MAN1A2: variants seen among roughly 807,000 people sequenced by gnomAD.
MAN1A2 encodes mannosidase alpha class 1A member 2.
Under a neutral mutation model 75.7 loss-of-function variants are expected in MAN1A2, and 26 were observed. The observed-to-expected ratio is 0.34, with a 90% CI of 0.25 to 0.48. MAN1A2 has a LOEUF of 0.48. MAN1A2 is among the 20% of genes least tolerant of loss of function. MAN1A2 has a pLI of 0.99. For missense variants in MAN1A2, 562 were observed against 775.5 expected, an observed-to-expected ratio of 0.72 and a Z score of 3.27; for synonymous variants, 247 against 264.6, an observed-to-expected ratio of 0.93 and a Z score of 0.65.
chr1:117,397,714 C>T (rs191570929), intron 1 of MAN1A2, among the ~76,000 whole-genome samples: 129 of 140,636 alleles, frequency 9.2e-4, no homozygotes, highest in Non-Finnish European at 1.7e-3. Flanking sequence ...TGCAATGTCA[C>T]GATCTCAGCT....
Position 117,499,482 on chromosome 1 carries a change from T to A in MAN1A2, c.1605T>A (p.Ile535=), listed in dbSNP as rs1651134538. The part of the protein sequence containing the change: ...EKYYILRPEV[I]ETYWYLWRFT... ...ATTATATCCTCCGTCCAGAAGTAAT[T>A]GAAACCTATTGGTACCTATGGCGAT... Residue 535 remains isoleucine (I), a synonymous_variant, in exon 11 of 13, where the codon ATT becomes ATA. Transcript: ENST00000356554. The A allele has an allele frequency of 6.2e-7, 1 of 1,609,380 alleles. No individual in the cohort carries two copies. Among genetic ancestry groups the A allele is most frequent in the Non-Finnish European group, 8.5e-7 (1 of 1,177,702 alleles).
At chr1:117,417,733 C>T (rs1273497004) in intron 4 of MAN1A2, among the ~76,000 whole-genome samples, 1 of 149,718 alleles carries the variant, frequency 6.7e-6, no homozygotes, top group East Asian at 1.9e-4. Context: ...CTCTCTCTCT[C>T]ATCAAAGTAT....
Position 117,368,327 on chromosome 1 carries a change from T to G in MAN1A2, c.144T>G (p.Thr48=). Residue 48 remains threonine, a synonymous_variant, in exon 1 of 13, where the codon ACT becomes ACG. Coordinates refer to ENST00000356554, the MANE Select transcript of MAN1A2 (RefSeq NM_006699.5). ...ILLLILSAFI[T]LCFGAFFFLP... Reference sequence around the variant, plus strand: ...TCCTTATTCTTAGTGCCTTCATCACTCTGTGTTTTGGGGCATTCTTTTTCC... The same window carrying G: ...TCCTTATTCTTAGTGCCTTCATCACGCTGTGTTTTGGGGCATTCTTTTTCC... The G allele has an allele frequency of 1.2e-6, 2 of 1,614,138 alleles. No homozygotes were observed. Among genetic ancestry groups the G allele is most frequent in the Non-Finnish European group, 1.7e-6 (2 of 1,180,026 alleles).
At chr1:117,478,271 A>G (rs1650383484) in intron 8 of MAN1A2, among the ~76,000 whole-genome samples, 1 of 151,926 alleles carries the variant, frequency 6.6e-6, no homozygotes, top group South Asian at 2.1e-4. Context: ...ACTGCCTATT[A>G]AAAACATTAT....
intron 12 of MAN1A2, among the ~76,000 whole-genome samples, chr1:117,519,046 T>C (rs1651797961): frequency 6.6e-6 from 1 of 152,012 alleles, no homozygotes; most frequent in Admixed American, 6.6e-5. Flanking sequence ...TTCAAAACCA[T>C]GCAAATACAT....
In MAN1A2 at chr1:117,369,865, A is replaced by G. The variant is rs570270046; in HGVS notation, c.302+1380A>G. ...CGCATGGTATTTGTATAACATATGA[A>G]ATATATTGAAAAAATGTGTTAAGGC... On this transcript the variant is annotated intron_variant, in intron 1 of 12. Coordinates refer to ENST00000356554, the MANE Select transcript of MAN1A2 (RefSeq NM_006699.5). Among the ~76,000 whole-genome samples the G allele has an allele frequency of 1.1e-4, 17 of 152,338 alleles. 1 individual carries two copies. The South Asian group carries it at 3.3e-3, about 30-fold the overall frequency.
chr1:117,405,916 T>G (rs1445687314), intron 3 of MAN1A2, among the ~76,000 whole-genome samples: 1 of 152,120 alleles, frequency 6.6e-6, no homozygotes, highest in Non-Finnish European at 1.5e-5. Context: ...TTTTCTTTAG[T>G]GTCAGGAAAA....
intron 1 of MAN1A2, 72 bp from the exon 2 acceptor site, chr1:117,402,114 A>C: frequency 2.8e-6 from 4 of 1,446,044 alleles, no homozygotes; most frequent in Non-Finnish European, 3.7e-6. Flanking sequence ...AGAAACCTTT[A>C]TGTTTTATAT....
At chr1:117,478,369 C>T (rs1477074581) in intron 8 of MAN1A2, among the ~76,000 whole-genome samples, 1 of 151,862 alleles carries the variant, frequency 6.6e-6, no homozygotes, top group Non-Finnish European at 1.5e-5. Flanking sequence ...ATTTTCACCC[C>T]ATCTTTTAAT....
chr1:117,436,667 A>G (rs929580633), intron 5 of MAN1A2, among the ~76,000 whole-genome samples: 4 of 152,208 alleles, frequency 2.6e-5, no homozygotes, highest in African/African-American at 7.2e-5. Flanking sequence ...TTCGCTTACT[A>G]TAGAAGAGAT....
chr1:117,398,284 A>C (rs1339972017), intron 1 of MAN1A2, among the ~76,000 whole-genome samples: 1 of 152,180 alleles, frequency 6.6e-6, no homozygotes, highest in Non-Finnish European at 1.5e-5. Context: ...TTGATCAGTG[A>C]CTTGAAGGTA....
chr1:117,499,729 C>T (rs545669097), intron 11 of MAN1A2, among the ~76,000 whole-genome samples, 175 bp downstream of exon 11: 6 of 147,234 alleles, frequency 4.1e-5, no homozygotes, highest in South Asian at 2.2e-4. Context: ...ATAAATCTTA[C>T]GATATATATT....
chr1:117,369,110 G>A (rs1304213959), intron 1 of MAN1A2, among the ~76,000 whole-genome samples: 1 of 152,168 alleles, frequency 6.6e-6, no homozygotes, highest in Admixed American at 6.5e-5. Flanking sequence ...TGAATCCTAA[G>A]TTATTGCACT....
intron 6 of MAN1A2, among the ~76,000 whole-genome samples, chr1:117,451,493 A>T (rs1253958201): frequency 1.3e-5 from 2 of 152,320 alleles, no homozygotes; most frequent in East Asian, 1.9e-4. Flanking sequence ...ATGTGAGGAC[A>T]TGAGATTTGG....
intron 3 of MAN1A2, among the ~76,000 whole-genome samples, chr1:117,407,605 G>T (rs905596980): frequency 6.6e-6 from 1 of 152,070 alleles, no homozygotes; most frequent in African/African-American, 2.4e-5. Flanking sequence ...CTTTTATATG[G>T]TAACTGAGAT....
At chr1:117,514,567 G>C (rs534626964) in intron 12 of MAN1A2, among the ~76,000 whole-genome samples, 10 of 152,232 alleles carry the variant, frequency 6.6e-5, no homozygotes, top group African/African-American at 2.4e-4. Flanking sequence ...TGCACAGTTA[G>C]CTAGCTATCA....
chr1:117,464,189 A>T (rs1407188499), intron 7 of MAN1A2, among the ~76,000 whole-genome samples: 1 of 151,522 alleles, frequency 6.6e-6, no homozygotes, highest in Non-Finnish European at 1.5e-5. Flanking sequence ...AACATGGTGA[A>T]ACCACTTCTC....
At chr1:117,440,055 A>G (rs1016164116) in intron 5 of MAN1A2, among the ~76,000 whole-genome samples, 4 of 152,248 alleles carry the variant, frequency 2.6e-5, no homozygotes, top group African/African-American at 9.6e-5. Context: ...CAGTGTATCC[A>G]TAAAAGAGGA....
intron 4 of MAN1A2, 56 bp downstream of exon 4, chr1:117,414,887 C>A: frequency 9.6e-7 from 1 of 1,037,274 alleles, no homozygotes; most frequent in South Asian, 1.3e-5. Flanking sequence ...GACACAATGT[C>A]TAACTGCTAT....
Sources: allele counts gnomAD v4.1 joint callset (sites outside exome capture counted in the v4.1 genomes callset), GRCh38; gene constraint gnomAD v4.1.1; transcripts MANE v1.5; gene names NCBI Gene and HGNC (gene_info 2026-07-23, HGNC 2026-07-21).